The following CDC73 variants were observed in gnomAD, a reference collection of about 807,000 sequenced individuals.
CDC73 encodes the protein cell division cycle 73.
CDC73 carries 21 observed loss-of-function variants against 83.7 expected under a neutral mutation model. That is an observed-to-expected ratio of 0.25 (90% CI 0.18 to 0.36). The LOEUF (loss-of-function observed/expected upper bound fraction) is 0.36. CDC73 is among the 10% of genes least tolerant of loss of function. The pLI is 1.00. For synonymous variants in CDC73, 224 were observed against 212.9 expected (o/e 1.05, Z -0.45); for missense variants, 342 against 653.3 (o/e 0.52, Z 5.19).
At chr1:193,201,020 G>T (rs569757054) in intron 10 of CDC73, among the ~76,000 whole-genome samples, 42 of 151,900 alleles carry the variant, frequency 2.8e-4, no homozygotes, top group Middle Eastern at 6.8e-3. Context: ...TTCCAAGAAG[G>T]TCATATTCTA....
At position 193,170,515 on chromosome 1, in the gene CDC73, T is replaced by A. The variant is rs573094246; in HGVS notation, c.972+18071T>A. ...TGGTATCTTTACTGTGGTTTTGATT[T>A]CCATTTCTCTAATGATTAGTGATGT... On this transcript the variant is annotated intron_variant, in intron 10 of 16. Coordinates refer to ENST00000367435, the MANE Select transcript of CDC73 (RefSeq NM_024529.5). Among the ~76,000 whole-genome samples the A allele has an allele frequency of 4.6e-5, 7 of 152,350 alleles. No individual in the cohort carries two copies. In the South Asian group the frequency reaches 1.2e-3, roughly 27 times the overall value.
rs1016377756 is a variant in CDC73, at chr1:193,205,200, C to A, written c.1030+1348C>A. On this transcript the variant is annotated intron_variant, in intron 11 of 16. Coordinates refer to ENST00000367435, the MANE Select transcript of CDC73 (RefSeq NM_024529.5). Reference sequence around the variant, plus strand: ...GTGCTAGGCTATACCACCTGTCCCCCCCCCCCCCTTTTTTTTTAAACTCAT... The same window carrying A: ...GTGCTAGGCTATACCACCTGTCCCCACCCCCCCCTTTTTTTTTAAACTCAT... Among the ~76,000 whole-genome samples the A allele has an allele frequency of 2.2e-4, 25 of 113,702 alleles. 1 individual carries two copies. Among genetic ancestry groups the A allele is most frequent in the East Asian group, 2.5e-4 (1 of 4,016 alleles). The allele number at this position is 113,702 out of a possible 152,430, so 74.6% of individuals were successfully genotyped here. A position where few individuals can be genotyped will look rare whatever the true frequency, so the allele number is the denominator to read the frequency against.
rs144681513 is a variant in CDC73 at position 193,253,662 on chromosome 1, A to G, written c.*2950A>G. 2,937 of 231,926 alleles carry G rather than the reference A, an allele frequency of 0.013. 30 individuals carry two copies. The highest frequency in any genetic ancestry group is 0.033 in the South Asian group (184 of 5,518). 14.4% of individuals were successfully genotyped at this position (231,926 alleles called of 1,614,324 possible). A position where few individuals can be genotyped will look rare whatever the true frequency, so the allele number is the denominator to read the frequency against. On this transcript the variant is annotated 3_prime_UTR_variant, in exon 17 of 17. Coordinates refer to ENST00000367435, the MANE Select transcript of CDC73 (RefSeq NM_024529.5). ...CAGCACAACAGTAATCCATATAAAAACAACTAATTCATAATGAGGAAAATC... is the reference window on the plus strand; with the variant it reads ...CAGCACAACAGTAATCCATATAAAAGCAACTAATTCATAATGAGGAAAATC...
At chr1:193,133,255 A>C (rs1265438811) in intron 3 of CDC73, among the ~76,000 whole-genome samples, 1 of 151,996 alleles carries the variant, frequency 6.6e-6, no homozygotes, top group Non-Finnish European at 1.5e-5. Context: ...CTTTTTAAAA[A>C]CTGTTAATTT....
intron 10 of CDC73, among the ~76,000 whole-genome samples, chr1:193,202,152 G>A (rs1311211530): frequency 6.6e-6 from 1 of 151,918 alleles, no homozygotes; most frequent in Non-Finnish European, 1.5e-5. Flanking sequence ...TTTATATAGG[G>A]GCTAATGTTC....
chr1:193,186,573 G>A (rs1418122005), intron 10 of CDC73: 3 of 152,280 alleles, frequency 2.0e-5, no homozygotes, highest in African/African-American at 7.2e-5. Flanking sequence ...TGAAATCCAC[G>A]GTTCCTCAGC....
At chr1:193,212,157 C>A in intron 12 of CDC73, 57 bp downstream of exon 12, 1 of 1,361,278 alleles carries the variant, frequency 7.3e-7, no homozygotes, top group East Asian at 2.5e-5. Context: ...ATTGCAAAAC[C>A]AGGCCTGATA....
chr1:193,133,047 G>A (rs567116935), intron 3 of CDC73, among the ~76,000 whole-genome samples: 13 of 151,868 alleles, frequency 8.6e-5, no homozygotes, highest in East Asian at 7.8e-4. Context: ...GACTACAGGC[G>A]CCTGCCACCA....
At chr1:193,152,308 C>A in intron 9 of CDC73, 72 bp from the exon 10 acceptor site, 1 of 933,940 alleles carries the variant, frequency 1.1e-6, no homozygotes, top group Non-Finnish European at 1.7e-6. Flanking sequence ...TAGATTATTA[C>A]TTTAGATTTG....
chr1:193,176,981 A>G (rs1676613735), intron 10 of CDC73, among the ~76,000 whole-genome samples: 1 of 152,200 alleles, frequency 6.6e-6, no homozygotes, highest in African/African-American at 2.4e-5. Context: ...TGTCACCATT[A>G]AACAACAACT....
intron 10 of CDC73, among the ~76,000 whole-genome samples, chr1:193,198,944 T>A (rs1677045297): frequency 6.6e-6 from 1 of 152,198 alleles, no homozygotes; most frequent in Non-Finnish European, 1.5e-5. Context: ...AGAGAGAACA[T>A]GTCTCAGCCG....
At chr1:193,187,015 T>C (rs1355631202) in intron 10 of CDC73, among the ~76,000 whole-genome samples, 2 of 150,284 alleles carry the variant, frequency 1.3e-5, no homozygotes, top group Non-Finnish European at 3.0e-5. Flanking sequence ...GTTTTTTTTC[T>C]CTGCTTTCAA....
intron 10 of CDC73, among the ~76,000 whole-genome samples, chr1:193,196,543 C>T (rs1263828403): frequency 2.0e-5 from 3 of 152,260 alleles, no homozygotes; most frequent in East Asian, 3.9e-4. Context: ...TTGTGTTGTG[C>T]ATCTGATAGT....
chr1:193,254,131 T>A lies in CDC73; in HGVS notation c.*3419T>A, dbSNP rs566373225. 2.0e-3 allele frequency among the ~76,000 whole-genome samples: 302 copies of A among 152,040 alleles called. No homozygotes were observed. Among genetic ancestry groups the A allele is most frequent in the Admixed American group, 3.3e-3 (51 of 15,286 alleles). ...GTAAGATAAGTCTTTTTAAATTTTT[T>A]ATTTTTAATTTTTTTGGAAGTTTAT... On this transcript the variant is annotated 3_prime_UTR_variant, in exon 17 of 17. Coordinates refer to ENST00000367435, the MANE Select transcript of CDC73 (RefSeq NM_024529.5).
At chr1:193,195,356 A>G (rs1020752352) in intron 10 of CDC73, among the ~76,000 whole-genome samples, 36 of 152,256 alleles carry the variant, frequency 2.4e-4, no homozygotes, top group African/African-American at 8.4e-4. Context: ...TTAAGGCTAA[A>G]TGACATCCCA....
At chr1:193,153,999 C>G (rs966878757) in intron 10 of CDC73, among the ~76,000 whole-genome samples, 2 of 152,180 alleles carry the variant, frequency 1.3e-5, no homozygotes, top group Non-Finnish European at 2.9e-5. Flanking sequence ...GAAAAGTCAT[C>G]AGGGATTAGA....
At chr1:193,225,245 G>GATAT (rs56261261) in intron 13 of CDC73, among the ~76,000 whole-genome samples, 11,338 of 143,240 alleles carry the variant, frequency 0.079, 584 homozygotes, top group Non-Finnish European at 0.11. Flanking sequence ...AGTATTCCAT[G>GATAT]ATATATATAT....
intron 11 of CDC73, among the ~76,000 whole-genome samples, chr1:193,204,537 C>T (rs560107692): frequency 6.6e-6 from 1 of 152,120 alleles, no homozygotes; most frequent in East Asian, 1.9e-4. Context: ...GATCCGCCCG[C>T]CTCGGCCTCC....
At chr1:193,143,898 T>G (rs1390565658) in intron 7 of CDC73, among the ~76,000 whole-genome samples, 1 of 152,022 alleles carries the variant, frequency 6.6e-6, no homozygotes, top group Non-Finnish European at 1.5e-5. Context: ...CCAGTTGAGG[T>G]CAGGAGTTAG....
Sources: allele counts gnomAD v4.1 joint callset (sites outside exome capture counted in the v4.1 genomes callset), GRCh38; gene constraint gnomAD v4.1.1; transcripts MANE v1.5; gene names NCBI Gene and HGNC (gene_info 2026-07-23, HGNC 2026-07-21).